UBE2E1: variants seen among roughly 807,000 people sequenced by gnomAD.
The protein encoded by UBE2E1 is ubiquitin-conjugating enzyme E2 E1.
A neutral mutation model predicts 21.4 loss-of-function variants in UBE2E1; 6 were observed. The observed-to-expected ratio is 0.28, with a 90% CI of 0.15 to 0.55. The LOEUF is 0.55. Ranked by LOEUF, UBE2E1 falls within the 20% of genes least tolerant of loss-of-function variation. The pLI is 0.93. For missense variants in UBE2E1, 142 were observed against 236.5 expected, an observed-to-expected ratio of 0.60 and a Z score of 2.62; for synonymous variants, 87 against 82.7, an observed-to-expected ratio of 1.05 and a Z score of -0.28.
In UBE2E1 at chr3:23,856,427, C is replaced by A. The variant is rs559164609; in HGVS notation, c.204-31140C>A. Among the ~76,000 whole-genome samples, 3 of 152,200 alleles carry A rather than the reference C, an allele frequency of 2.0e-5. No homozygotes were observed. In the South Asian group the frequency reaches 6.2e-4, roughly 31 times the overall value. On this transcript the variant is annotated intron_variant, in intron 3 of 5. Transcript: ENST00000306627. ...GAAGACAGACGTTTAAAACATTAGC[C>A]TTCTCTCCCCATCTGGAGTATGGTT...
intron 3 of UBE2E1, among the ~76,000 whole-genome samples, chr3:23,847,513 G>C (rs1299882620): frequency 0.048 from 788 of 16,366 alleles, 11 homozygotes; most frequent in African/African-American, 0.13. Context: ...TTTTTTTTTT[G>C]AGACAGAGTC....
intron 3 of UBE2E1, among the ~76,000 whole-genome samples, chr3:23,835,672 A>G (rs1273691498): frequency 6.6e-6 from 1 of 152,214 alleles, no homozygotes; most frequent in Non-Finnish European, 1.5e-5. Context: ...TTTATGACAT[A>G]TAATCATCAA....
intron 3 of UBE2E1, among the ~76,000 whole-genome samples, chr3:23,820,453 G>T (rs374809417): frequency 1.3e-4 from 20 of 152,196 alleles, no homozygotes; most frequent in East Asian, 9.6e-4. Context: ...CCAAGTTGAT[G>T]TCCCATCCCA....
At chr3:23,859,771 G>A (rs1187133001) in intron 3 of UBE2E1, among the ~76,000 whole-genome samples, 1 of 152,146 alleles carries the variant, frequency 6.6e-6, no homozygotes, top group Non-Finnish European at 1.5e-5. Flanking sequence ...TGTCTTCCCT[G>A]GTTTTTAAAG....
At chr3:23,831,372 C>T (rs1266799079) in intron 3 of UBE2E1, among the ~76,000 whole-genome samples, 2 of 152,206 alleles carry the variant, frequency 1.3e-5, no homozygotes, top group South Asian at 4.1e-4. Context: ...TACTTTTGGC[C>T]AGTTGTAAAA....
chr3:23,887,887 G>A lies in UBE2E1; in HGVS notation c.336+188G>A, dbSNP rs994198905. 2 of 712,138 alleles carry A rather than the reference G, an allele frequency of 2.8e-6. No individual in the cohort carries two copies. Among genetic ancestry groups the A allele is most frequent in the African/African-American group, 3.6e-5 (2 of 55,818 alleles). The allele number at this position is 712,138 out of a possible 1,614,324, so 44.1% of individuals were successfully genotyped here. On this transcript the variant is annotated intron_variant, in intron 4 of 5. Transcript: ENST00000306627. The surrounding 1 kb of genome is among the most constrained non-coding windows in gnomAD (Gnocchi z 4.4). The stretch of plus-strand genomic sequence containing the variant: ...GCCTTATCTGGCAGAGACCATTCTA[G>A]GATTAAGTGCTTTGTTTTGATGGTG...
rs139960257 is a variant in UBE2E1 at position 23,865,384 on chromosome 3, C to G, written c.204-22183C>G. 3.9e-3 allele frequency among the ~76,000 whole-genome samples: 598 copies of G among 152,320 alleles called. 5 individuals are homozygous for G. The highest frequency in any genetic ancestry group is 0.013 in the African/African-American group (535 of 41,572). The stretch of plus-strand genomic sequence containing the variant: ...CCTTTTTTTGAGATGGAGTTTCACT[C>G]TGTCACTCACCTAGGCCGGAGTGCA... On this transcript the variant is annotated intron_variant, in intron 3 of 5. Transcript: ENST00000306627.
intron 3 of UBE2E1, among the ~76,000 whole-genome samples, chr3:23,872,733 C>T (rs927386284): frequency 9.2e-5 from 14 of 152,158 alleles, no homozygotes; most frequent in African/African-American, 3.4e-4. Context: ...AATTAAACAG[C>T]CTAGGCTGGG....
intron 3 of UBE2E1, among the ~76,000 whole-genome samples, chr3:23,838,452 A>G (rs1326569819): frequency 1.3e-5 from 2 of 152,178 alleles, no homozygotes; most frequent in Non-Finnish European, 2.9e-5. Context: ...GAATGGTTAG[A>G]CCATTAACAT....
intron 3 of UBE2E1, among the ~76,000 whole-genome samples, chr3:23,827,735 A>G (rs1007875215): frequency 9.9e-5 from 15 of 152,198 alleles, no homozygotes; most frequent in African/African-American, 2.9e-4. Flanking sequence ...CATAGCCACT[A>G]ATATTTTTCA....
At chr3:23,822,272 A>G in intron 3 of UBE2E1, among the ~76,000 whole-genome samples, 1 of 152,180 alleles carries the variant, frequency 6.6e-6, no homozygotes, top group East Asian at 1.9e-4. Flanking sequence ...AAAAGGAGGA[A>G]TGATTTTCAA....
At chr3:23,889,956 T>C (rs1301790877) in intron 5 of UBE2E1, 2 of 154,858 alleles carry the variant, frequency 1.3e-5, no homozygotes, top group African/African-American at 4.8e-5. Context: ...ATATATTTTC[T>C]AGGTAAACCA....
In UBE2E1 at chr3:23,836,975, T is replaced by G. The variant is rs1278197204; in HGVS notation, c.203+25465T>G. ...GAAATCTGTGGCTTGTTAACTTGTTTGGCATATTGAGTAACATGGCAGGTT... is the reference window on the plus strand; with the variant it reads ...GAAATCTGTGGCTTGTTAACTTGTTGGGCATATTGAGTAACATGGCAGGTT... On this transcript the variant is annotated intron_variant, in intron 3 of 5. Transcript: ENST00000306627. This position sits in a 1 kb window ranked among gnomAD's most constrained non-coding sequence, Gnocchi z 4.1. 2.0e-5 allele frequency among the ~76,000 whole-genome samples: 3 copies of G among 152,210 alleles called. No homozygotes were observed. The highest frequency in any genetic ancestry group is 4.4e-5 in the Non-Finnish European group (3 of 68,028).
intron 3 of UBE2E1, among the ~76,000 whole-genome samples, chr3:23,862,088 C>G (rs975386497): frequency 1.3e-5 from 2 of 152,248 alleles, no homozygotes; most frequent in African/African-American, 4.8e-5. Flanking sequence ...GCCCGCCTGT[C>G]TGTATGCTCC....
intron 3 of UBE2E1, among the ~76,000 whole-genome samples, chr3:23,875,639 A>G (rs182046231): frequency 6.6e-6 from 1 of 152,346 alleles, no homozygotes; most frequent in East Asian, 1.9e-4. Context: ...GGGCTTTGTT[A>G]GAAGGCCATT....
chr3:23,836,931 G>A lies in UBE2E1; in HGVS notation c.203+25421G>A, dbSNP rs1699986293. On this transcript the variant is annotated intron_variant, in intron 3 of 5. Transcript: ENST00000306627. The surrounding 1 kb of genome is among the most constrained non-coding windows in gnomAD (Gnocchi z 4.1). Reference sequence around the variant, plus strand: ...TGTTAAGTAGTTTATGGTCTATCATGAAAAGATGGGCAATTTGGGAAATCT... The same window carrying A: ...TGTTAAGTAGTTTATGGTCTATCATAAAAAGATGGGCAATTTGGGAAATCT... Among the ~76,000 whole-genome samples, 1 of 152,184 alleles carries A rather than the reference G, an allele frequency of 6.6e-6. No homozygotes were observed. The highest frequency in any genetic ancestry group is 6.5e-5 in the Admixed American group (1 of 15,270).
chr3:23,811,289 A>G lies in UBE2E1; in HGVS notation c.153-171A>G, dbSNP rs1002746717. The stretch of plus-strand genomic sequence containing the variant: ...CCAGGCTGCCTCACTTCCTCCGTGA[A>G]AAGTTTTTTTCCTAAACTAGGGACC... On this transcript the variant is annotated intron_variant, in intron 2 of 5. Coordinates refer to ENST00000306627, the MANE Select transcript of UBE2E1 (RefSeq NM_003341.5). Among the ~76,000 whole-genome samples the G allele has an allele frequency of 3.9e-5, 6 of 152,330 alleles. 1 individual carries two copies. The highest frequency in any genetic ancestry group is 6.5e-5 in the Admixed American group (1 of 15,306).
Position 23,887,663 on chromosome 3 carries a change from C to A in UBE2E1, c.300C>A (p.Ile100=), listed in dbSNP as rs1308107340. ...VYEGGVFFLD[I]TFTPEYPFKP... The stretch of plus-strand genomic sequence containing the variant: ...AGGGTGGTGTATTCTTTCTCGATAT[C>A]ACTTTTACACCAGAATATCCCTTCA... Residue 100 remains isoleucine (I), a synonymous_variant, in exon 4 of 6, where the codon ATC becomes ATA. Transcript: ENST00000306627. The surrounding 1 kb of genome is among the most constrained non-coding windows in gnomAD (Gnocchi z 4.4). The A allele has an allele frequency of 6.2e-7, 1 of 1,613,900 alleles. No homozygotes were observed. The highest frequency in any genetic ancestry group is 2.2e-5 in the East Asian group (1 of 44,866).
intron 3 of UBE2E1, among the ~76,000 whole-genome samples, chr3:23,882,753 C>G (rs567714739): frequency 6.6e-6 from 1 of 152,202 alleles, no homozygotes; most frequent in Non-Finnish European, 1.5e-5. Context: ...GGGGACCAGG[C>G]GCACCCTCTG....
Sources: allele counts gnomAD v4.1 joint callset (sites outside exome capture counted in the v4.1 genomes callset), GRCh38; gene constraint gnomAD v4.1.1; non-coding constraint Gnocchi (gnomAD v3.1); transcripts MANE v1.5; gene names NCBI Gene and HGNC (gene_info 2026-07-23, HGNC 2026-07-21).